SV2C: variants seen among roughly 807,000 people sequenced by gnomAD.
SV2C encodes solute carrier family 22 member B3.
In SV2C, 49 loss-of-function variants were observed where a neutral mutation model predicts 79.7. That is an observed-to-expected ratio of 0.61 (90% confidence interval 0.49 to 0.78). The LOEUF is 0.78. SV2C is among the 30% of genes least tolerant of loss of function. The probability of loss-of-function intolerance (pLI) is 0.00; values close to 1 mark genes in which losing one functional copy is unlikely to be tolerated. For missense variants in SV2C, 833 were observed against 912.9 expected, an observed-to-expected ratio of 0.91 and a Z score of 1.13; for synonymous variants, 334 against 333.2, an observed-to-expected ratio of 1.00 and a Z score of -0.03.
intron 1 of SV2C, among the ~76,000 whole-genome samples, chr5:76,086,571 C>T (rs968612663): frequency 2.0e-5 from 3 of 152,326 alleles, no homozygotes; most frequent in African/African-American, 7.2e-5. Context: ...ACATAGTATT[C>T]TCCATTTAAA....
At chr5:76,247,203 G>A (rs1331696235) in intron 4 of SV2C, among the ~76,000 whole-genome samples, 1 of 152,222 alleles carries the variant, frequency 6.6e-6, no homozygotes, top group Non-Finnish European at 1.5e-5. Flanking sequence ...TCACAGTGCT[G>A]TATTGACCTT....
At chr5:76,075,641 T>A in the SV2C span, 1 of 253,614 alleles carries the variant, frequency 3.9e-6, no homozygotes, top group Non-Finnish European at 8.3e-6. Flanking sequence ...GAGTGGCAGA[T>A]CCACACTTAG....
At chr5:76,054,494 T>A in the SV2C span, among the ~76,000 whole-genome samples, 1 of 152,242 alleles carries the variant, frequency 6.6e-6, no homozygotes, top group African/African-American at 2.4e-5. Context: ...TTTATATTCC[T>A]TTGGGTATAT....
At chr5:75,851,652 T>A in the SV2C span, among the ~76,000 whole-genome samples, 1 of 152,060 alleles carries the variant, frequency 6.6e-6, no homozygotes, top group Non-Finnish European at 1.5e-5. Context: ...ATCTTTTTTT[T>A]TTTTCTGAGA....
At chr5:75,906,275 A>T in the SV2C span, among the ~76,000 whole-genome samples, 4 of 152,216 alleles carry the variant, frequency 2.6e-5, no homozygotes, top group African/African-American at 9.6e-5. Context: ...CCTTTAAGCC[A>T]CTCGATTGGT....
the SV2C span, among the ~76,000 whole-genome samples, chr5:76,009,498 A>G: frequency 6.6e-6 from 1 of 152,226 alleles, no homozygotes; most frequent in African/African-American, 2.4e-5. Context: ...TAGCAAAGAC[A>G]TGGAATCAAC....
chr5:76,044,851 T>C, the SV2C span, among the ~76,000 whole-genome samples: 1 of 152,138 alleles, frequency 6.6e-6, no homozygotes, highest in Admixed American at 6.6e-5. Context: ...AAACTTTTCT[T>C]CCATTCTGTA....
chr5:76,126,753 C>T (rs1748717649), intron 1 of SV2C, among the ~76,000 whole-genome samples: 1 of 151,992 alleles, frequency 6.6e-6, no homozygotes, highest in African/African-American at 2.4e-5. Flanking sequence ...CTTCTACACA[C>T]CCATGCTGTT....
At position 76,270,831 on chromosome 5, in the gene SV2C, C is replaced by T. The variant is rs566248980; in HGVS notation, c.914-14331C>T. Among the ~76,000 whole-genome samples the T allele has an allele frequency of 1.6e-4, 24 of 151,630 alleles. No homozygotes were observed. In the East Asian group the frequency reaches 4.1e-3, roughly 26 times the overall value. On this transcript the variant is annotated intron_variant, in intron 4 of 12. Coordinates refer to ENST00000502798, the MANE Select transcript of SV2C (RefSeq NM_014979.4). Reference sequence around the variant, plus strand: ...TCACCCAGGGTAGGGTGCAGTGGTGCGATCTCAGCTCACTGCAGTCTCTGC... The same window carrying T: ...TCACCCAGGGTAGGGTGCAGTGGTGTGATCTCAGCTCACTGCAGTCTCTGC...
At position 76,196,786 on chromosome 5, in the gene SV2C, A is replaced by G. The variant is rs78999854; in HGVS notation, c.761+1687A>G. ...AAGCAATATCCAAAGACCCAAAAGTACATGACTGTGGTCAAATTATTGTGG... is the reference window on the plus strand; with the variant it reads ...AAGCAATATCCAAAGACCCAAAAGTGCATGACTGTGGTCAAATTATTGTGG... On this transcript the variant is annotated intron_variant, in intron 3 of 12. Transcript: ENST00000502798. 3.1e-3 allele frequency among the ~76,000 whole-genome samples: 473 copies of G among 152,344 alleles called. 2 individuals carry two copies. The highest frequency in any genetic ancestry group is 0.011 in the African/African-American group (441 of 41,584).
At chr5:76,007,510 A>G in the SV2C span, among the ~76,000 whole-genome samples, 15 of 152,108 alleles carry the variant, frequency 9.9e-5, no homozygotes, top group Admixed American at 4.6e-4. Context: ...TTCAATAAAC[A>G]TTGGCACTCT....
chr5:76,069,790 C>G, the SV2C span, among the ~76,000 whole-genome samples: 6 of 151,510 alleles, frequency 4.0e-5, no homozygotes, highest in Non-Finnish European at 5.9e-5. Context: ...TCTCCTCTCT[C>G]TCTTTCTCAC....
chr5:75,970,048 C>A, the SV2C span, among the ~76,000 whole-genome samples: 2 of 152,094 alleles, frequency 1.3e-5, no homozygotes, highest in East Asian at 1.9e-4. Flanking sequence ...TACATGGAAA[C>A]TGAACAATCT....
intron 4 of SV2C, among the ~76,000 whole-genome samples, chr5:76,279,899 A>G (rs545559164): frequency 2.0e-4 from 30 of 152,068 alleles, no homozygotes; most frequent in Non-Finnish European, 3.1e-4. Context: ...AGGGAAAGAG[A>G]AGGATGAGCT....
At chr5:75,997,883 C>A in the SV2C span, among the ~76,000 whole-genome samples, 4 of 152,070 alleles carry the variant, frequency 2.6e-5, no homozygotes, top group Non-Finnish European at 4.4e-5. Context: ...TATAAAGGCA[C>A]ATACACACGT....
chr5:76,337,847 T>A (rs953148409), downstream of SV2C, among the ~76,000 whole-genome samples: 7 of 151,730 alleles, frequency 4.6e-5, no homozygotes, highest in East Asian at 1.2e-3. Context: ...CACAGTAATT[T>A]AAAAAAAAAC....
intron 12 of SV2C, among the ~76,000 whole-genome samples, chr5:76,315,566 G>A (rs545180001): frequency 6.6e-6 from 1 of 152,264 alleles, no homozygotes; most frequent in African/African-American, 2.4e-5. Context: ...ACCTAAACAA[G>A]GCTAATTCTG....
At chr5:76,236,119 A>G (rs937816906) in intron 4 of SV2C, among the ~76,000 whole-genome samples, 2 of 152,246 alleles carry the variant, frequency 1.3e-5, no homozygotes, top group Non-Finnish European at 2.9e-5. Context: ...TCAGCAGCAT[A>G]CCCAAAGACT....
At chr5:76,040,594 A>C in the SV2C span, among the ~76,000 whole-genome samples, 3 of 152,220 alleles carry the variant, frequency 2.0e-5, no homozygotes, top group South Asian at 6.2e-4. Context: ...CAGAGGAAGC[A>C]AAAATGGAGA....
Sources: allele counts gnomAD v4.1 joint callset (sites outside exome capture counted in the v4.1 genomes callset), GRCh38; gene constraint gnomAD v4.1.1; transcripts MANE v1.5; gene names NCBI Gene and HGNC (gene_info 2026-07-23, HGNC 2026-07-21).